TMEM145: variants seen among roughly 807,000 people sequenced by gnomAD.
TMEM145 encodes the protein transmembrane protein 145.
A neutral mutation model predicts 68.5 loss-of-function variants in TMEM145; 46 were observed. The observed-to-expected ratio is 0.67, with a 90% CI of 0.53 to 0.86. TMEM145 has a LOEUF of 0.86. TMEM145 is among the 40% of genes least tolerant of loss of function. The probability of loss-of-function intolerance (pLI) is 0.00; values close to 1 mark genes in which losing one functional copy is unlikely to be tolerated. For missense variants in TMEM145, 570 were observed against 645.8 expected (o/e 0.88, Z 1.27); for synonymous variants, 255 against 280.2 (o/e 0.91, Z 0.90).
intron 13 of TMEM145, 82 bp downstream of exon 13, chr19:42,320,519 A>T: frequency 6.3e-7 from 1 of 1,585,258 alleles, no homozygotes; most frequent in Admixed American, 1.7e-5. Flanking sequence ...GATCTGCTGG[A>T]CCTCCTGTTC....
At chr19:42,316,416 G>A in intron 8 of TMEM145, 65 bp from the exon 9 acceptor site, 3 of 1,484,168 alleles carry the variant, frequency 2.0e-6, no homozygotes, top group Admixed American at 1.7e-5. Flanking sequence ...GGATGGTAGT[G>A]CTAGAGAACA....
intron 13 of TMEM145, chr19:42,320,986 C>G (rs1484011017): frequency 2.5e-6 from 1 of 398,622 alleles, no homozygotes; most frequent in African/African-American, 2.1e-5. Flanking sequence ...CTTTCCTCAA[C>G]CCCCATCCTC....
intron 13 of TMEM145, chr19:42,321,494 A>C (rs931063433): frequency 1.0e-5 from 2 of 194,090 alleles, no homozygotes; most frequent in African/African-American, 5.0e-5. Flanking sequence ...AGTTCATGCC[A>C]TTCCCCTGCC....
At chr19:42,315,707 C>T (rs2147414231) in intron 8 of TMEM145, among the ~76,000 whole-genome samples, 1 of 152,018 alleles carries the variant, frequency 6.6e-6, no homozygotes, top group South Asian at 2.1e-4. Context: ...GGGGTGGGAC[C>T]TGACACCCCT....
In TMEM145 at chr19:42,314,595, T is replaced by G. The variant is rs1340543882; in HGVS notation, c.274-18T>G. 1.2e-6 allele frequency: 2 copies of G among 1,614,022 alleles called. No homozygotes were observed. Among genetic ancestry groups the G allele is most frequent in the Non-Finnish European group, 1.7e-6 (2 of 1,180,006 alleles). On this transcript the variant is annotated intron_variant, in intron 3 of 14. Coordinates refer to ENST00000301204, the MANE Select transcript of TMEM145 (RefSeq NM_173633.3). ...TCGTTGCTGGCCGGGGGAGTGACCC[T>G]GTCCCTGCCTTCCCCAGGACTGCCT...
At chr19:42,315,155 G>T in intron 6 of TMEM145, 33 bp from the exon 7 acceptor site, 1 of 1,614,026 alleles carries the variant, frequency 6.2e-7, no homozygotes. Context: ...ACATCCACCT[G>T]AATGAACCTT....
intron 8 of TMEM145, 89 bp downstream of exon 8, chr19:42,315,529 G>T (rs985314550): frequency 4.3e-6 from 6 of 1,406,960 alleles, no homozygotes; most frequent in African/African-American, 2.8e-5. Context: ...CTGGGGGCCT[G>T]GACTCCTGGG....
intron 13 of TMEM145, 134 bp from the exon 14 acceptor site, chr19:42,323,449 C>G: frequency 3.6e-6 from 3 of 824,326 alleles, no homozygotes; most frequent in Non-Finnish European, 5.8e-6. Flanking sequence ...AGAGGGGACG[C>G]CTAATCCAGT....
chr19:42,325,015 C>T lies in TMEM145; in HGVS notation c.*198C>T. On this transcript the variant is annotated 3_prime_UTR_variant, in exon 15 of 15. Coordinates refer to ENST00000301204, the MANE Select transcript of TMEM145 (RefSeq NM_173633.3). Reference sequence around the variant, plus strand: ...TTCCCTCGGGTCCCTGGCAGAAAGACATTTTACCCCTTCTTGCCAAAATAA... The same window carrying T: ...TTCCCTCGGGTCCCTGGCAGAAAGATATTTTACCCCTTCTTGCCAAAATAA... The T allele has an allele frequency of 1.2e-6, 1 of 817,868 alleles. No individual in the cohort carries two copies. The highest frequency in any genetic ancestry group is 3.4e-5 in the East Asian group (1 of 29,424). The allele number at this position is 817,868 out of a possible 1,614,324, so 50.7% of individuals were successfully genotyped here.
chr19:42,324,962 C>T lies in TMEM145; in HGVS notation c.*145C>T, dbSNP rs983925600. ...GATCTGTGACCTCGGACCCGTACTC[C>T]ATCTGCCGCATCTCCATTCCGGGGG... is the stretch of plus-strand genomic sequence containing the variant. On this transcript the variant is annotated 3_prime_UTR_variant, in exon 15 of 15. Coordinates refer to ENST00000301204, the MANE Select transcript of TMEM145 (RefSeq NM_173633.3). The T allele has an allele frequency of 1.6e-6, 2 of 1,227,732 alleles. No homozygotes were observed. The highest frequency in any genetic ancestry group is 1.0e-6 in the Non-Finnish European group (1 of 969,796). The allele number at this position is 1,227,732 out of a possible 1,614,324, so 76.1% of individuals were successfully genotyped here. A position where few individuals can be genotyped will look rare whatever the true frequency, so the allele number is the denominator to read the frequency against.
At position 42,323,655 on chromosome 19, in the gene TMEM145, G is replaced by A; in HGVS notation, c.1267G>A (p.Gly423Arg). 6.2e-7 allele frequency: 1 copy of A among 1,614,160 alleles called. No individual in the cohort carries two copies. Among genetic ancestry groups the A allele is most frequent in the African/African-American group, 1.3e-5 (1 of 75,042 alleles). Residue 423 changes from glycine to arginine, a missense_variant, in exon 14 of 15, where the codon GGA becomes AGA. Physicochemically the swap from Gly to Arg is moderately radical, Grantham distance 125 (BLOSUM62 -2). Transcript: ENST00000301204. ...HVRTSQIASA[G>R]VPGPGGSQSA... ...GCGCACGTCGCAGATCGCTTCAGCC[G>A]GAGTCCCTGGACCCGGAGGGAGCCA...
At chr19:42,314,419 A>G in intron 2 of TMEM145, 32 bp from the exon 3 acceptor site, 2 of 1,614,066 alleles carry the variant, frequency 1.2e-6, no homozygotes, top group Non-Finnish European at 1.7e-6. Context: ...AGGCTGCCCC[A>G]GCTCCCGGTC....
chr19:42,320,903 A>G (rs2038904983), intron 13 of TMEM145: 1 of 398,744 alleles, frequency 2.5e-6, no homozygotes, highest in African/African-American at 2.1e-5. Flanking sequence ...TGCTGGGATT[A>G]CAGGCATGGG....
chr19:42,324,029 A>C (rs2038940560), intron 14 of TMEM145, among the ~76,000 whole-genome samples: 1 of 142,782 alleles, frequency 7.0e-6, no homozygotes, highest in African/African-American at 2.7e-5. Flanking sequence ...CCGTGCCCCC[A>C]CCGCCCGCCT....
At chr19:42,321,495 T>C (rs2038912001) in intron 13 of TMEM145, 1 of 192,604 alleles carries the variant, frequency 5.2e-6, no homozygotes, top group Admixed American at 6.2e-5. Context: ...GTTCATGCCA[T>C]TCCCCTGCCT....
rs1488917139 is a variant in TMEM145, at chr19:42,314,661, A to G, written c.322A>G (p.Ile108Val). Residue 108 changes from isoleucine to valine, a missense_variant, in exon 4 of 15, where the codon ATC becomes GTC. Transcript: ENST00000301204. ...GATCCGGCCGGAGAACAACCAGGTC[A>G]TCAACCTCACCACCCAGTATGCCTG... ...SVIRPENNQV[I>V]NLTTQYAWSG... is the part of the protein sequence containing the mutation. 6.2e-7 allele frequency: 1 copy of G among 1,614,190 alleles called. No homozygotes were observed. Among genetic ancestry groups the G allele is most frequent in the South Asian group, 1.1e-5 (1 of 91,086 alleles).
At chr19:42,321,452 C>T (rs1281914970) in intron 13 of TMEM145, 13 of 240,242 alleles carry the variant, frequency 5.4e-5, no homozygotes, top group African/African-American at 7.4e-5. Context: ...TGCAGAGGTG[C>T]GATCTCGGCT....
chr19:42,317,800 G>A lies in TMEM145; in HGVS notation c.992G>A (p.Cys331Tyr). ...GLQVAAYVWF[C>Y]YAVLVSLRHF... is the part of the protein sequence containing the mutation. Reference sequence around the variant, plus strand: ...CAGGTGGCGGCCTACGTGTGGTTCTGCTATGCTGTGCTTGTCTCACTGCGA... The same window carrying A: ...CAGGTGGCGGCCTACGTGTGGTTCTACTATGCTGTGCTTGTCTCACTGCGA... The change falls in exon 12 of 15, where the codon TGC becomes TAC. Residue 331 changes from cysteine (C) to tyrosine (Y), a missense_variant. Physicochemically the swap from Cys to Tyr is radical, Grantham distance 194 (BLOSUM62 -2). Transcript: ENST00000301204. 1 of 1,614,174 alleles carries A rather than the reference G, an allele frequency of 6.2e-7. No homozygotes were observed. The highest frequency in any genetic ancestry group is 8.5e-7 in the Non-Finnish European group (1 of 1,180,034).
At chr19:42,324,400 C>T in intron 14 of TMEM145, 1 of 984,704 alleles carries the variant, frequency 1.0e-6, no homozygotes, top group Non-Finnish European at 1.2e-6. Flanking sequence ...CCAAGGCGGC[C>T]GACTCGGGCT....
Sources: gnomAD v4.1 joint callset for allele counts (sites outside exome capture counted in the v4.1 genomes callset) on GRCh38, gnomAD v4.1.1 for gene constraint, MANE v1.5 for transcripts, NCBI Gene and HGNC (gene_info 2026-07-23, HGNC 2026-07-21) for gene names.